CEP162: variants seen among roughly 807,000 people sequenced by gnomAD.
The protein encoded by CEP162 is centrosomal protein of 162 kDa.
In CEP162, 141 loss-of-function variants were observed where a neutral mutation model predicts 169.2. The observed-to-expected ratio is 0.83, with a 90% confidence interval of 0.73 to 0.96. The LOEUF is 0.96. CEP162 is among the 40% of genes least tolerant of loss of function. CEP162 has a pLI of 0.00. For missense variants in CEP162, 1,600 were observed against 1,587.2 expected (o/e 1.01, Z -0.14); for synonymous variants, 540 against 526.4 (o/e 1.03, Z -0.35).
chr6:84,187,742 T>C (rs2099537843), intron 11 of CEP162, among the ~76,000 whole-genome samples: 1 of 152,090 alleles, frequency 6.6e-6, no homozygotes, highest in African/African-American at 2.4e-5. Flanking sequence ...TGCTAAACTG[T>C]CATCTACAAA....
At chr6:84,140,115 A>G (rs73750522) in intron 25 of CEP162, among the ~76,000 whole-genome samples, 8,798 of 152,234 alleles carry the variant, frequency 0.058, 827 homozygotes, top group African/African-American at 0.2. Flanking sequence ...GGGCACAAGC[A>G]TTGGCTTGTG....
At chr6:84,125,350 T>G in intron 26 of CEP162, 74 bp from the exon 27 acceptor site, 1 of 1,306,118 alleles carries the variant, frequency 7.7e-7, no homozygotes, top group South Asian at 1.2e-5. Flanking sequence ...AATCTTAAAG[T>G]AGGCAAACCT....
In CEP162 at chr6:84,152,697, G is replaced by T; in HGVS notation, c.3477C>A (p.Tyr1159Ter). 6.2e-7 allele frequency: 1 copy of T among 1,612,800 alleles called. No homozygotes were observed. Among genetic ancestry groups the T allele is most frequent in the Non-Finnish European group, 8.5e-7 (1 of 1,179,438 alleles). The part of the protein sequence containing the change: ...SFPGTLDSKL[Y>*]QPHTFTDSHV... The stretch of plus-strand genomic sequence containing the variant: ...GGGAATCAGTGAAAGTATGTGGTTG[G>T]TACAGCTTGCTGTCCAGGGTTCCAG... Residue 1159 changes from tyrosine (Y) to a stop codon, truncating the protein, a stop_gained, in exon 23 of 27, where the codon TAC (tyrosine) becomes TAA (stop). Transcript: ENST00000403245. LOFTEE classifies it high-confidence loss of function.
intron 13 of CEP162, among the ~76,000 whole-genome samples, chr6:84,176,874 A>T (rs1484757712): frequency 6.6e-6 from 1 of 151,946 alleles, no homozygotes. Context: ...CTAAAGTATC[A>T]AGTAATTATA....
intron 18 of CEP162, among the ~76,000 whole-genome samples, chr6:84,165,265 T>C (rs1359300763): frequency 6.6e-6 from 1 of 151,950 alleles, no homozygotes; most frequent in African/African-American, 2.4e-5. Flanking sequence ...ACATATAAAA[T>C]GCAGGATTTT....
rs1445168668 is a variant in CEP162, at chr6:84,161,795, G to A, written c.2627C>T (p.Ala876Val). The change falls in exon 20 of 27, where the codon GCA becomes GTA. Residue 876 changes from alanine (A) to valine (V), a missense_variant. Coordinates refer to ENST00000403245, the MANE Select transcript of CEP162 (RefSeq NM_014895.4). ...CTCATTTGCTTCTCTAAGCCGAAGT[G>A]CATCTTTATCCAGAAGTTCCTGATT... ...AENQELLDKD[A>V]LRLREANEEI... is the part of the protein sequence containing the mutation. The A allele has an allele frequency of 1.2e-6, 2 of 1,601,440 alleles. No homozygotes were observed. The highest frequency in any genetic ancestry group is 1.7e-6 in the Non-Finnish European group (2 of 1,173,182).
At chr6:84,194,349 C>T (rs530219974) in intron 10 of CEP162, among the ~76,000 whole-genome samples, 22 of 134,068 alleles carry the variant, frequency 1.6e-4, no homozygotes, top group Admixed American at 6.4e-4. Context: ...AGCAAGACTC[C>T]GTCTCAAAAA....
At chr6:84,171,539 A>T (rs1244438473) in intron 17 of CEP162, 67 bp downstream of exon 17, 6 of 557,000 alleles carry the variant, frequency 1.1e-5, no homozygotes, top group Middle Eastern at 7.8e-4. Flanking sequence ...ATGTATTATT[A>T]ACATAATAAG....
chr6:84,186,880 T>C (rs1018375702), intron 11 of CEP162, among the ~76,000 whole-genome samples: 3 of 152,212 alleles, frequency 2.0e-5, no homozygotes, highest in Admixed American at 1.3e-4. Flanking sequence ...AGATCTATTT[T>C]AGAGAAAGAC....
chr6:84,145,572 T>C (rs2099518470), intron 25 of CEP162, among the ~76,000 whole-genome samples: 1 of 152,114 alleles, frequency 6.6e-6, no homozygotes, highest in Non-Finnish European at 1.5e-5. Flanking sequence ...TGTTTTTTTA[T>C]CTCTGGGGTT....
At chr6:84,152,320 T>G (rs896255494) in intron 23 of CEP162, among the ~76,000 whole-genome samples, 2 of 152,066 alleles carry the variant, frequency 1.3e-5, no homozygotes, top group African/African-American at 2.4e-5. Flanking sequence ...AGGACACAAT[T>G]TGGGTTGACA....
chr6:84,154,715 A>G lies in CEP162; in HGVS notation c.2994+583T>C, dbSNP rs538276155. Among the ~76,000 whole-genome samples the G allele has an allele frequency of 3.9e-5, 6 of 152,236 alleles. No homozygotes were observed. The East Asian group carries it at 1.2e-3, about 29-fold the overall frequency. ...ATTCCTGACAGACACGTGCTCAACAAATTTTTAAAAATAATCTATAACTGT... is the reference window on the plus strand; with the variant it reads ...ATTCCTGACAGACACGTGCTCAACAGATTTTTAAAAATAATCTATAACTGT... On this transcript the variant is annotated intron_variant, in intron 22 of 26. Transcript: ENST00000403245.
chr6:84,205,284 T>C (rs1174734741), intron 6 of CEP162, among the ~76,000 whole-genome samples: 1 of 152,170 alleles, frequency 6.6e-6, no homozygotes, highest in Admixed American at 6.5e-5. Flanking sequence ...AAAAAGAGAA[T>C]TTTAGACCAA....
At chr6:84,225,454 T>A (rs2099555332) in intron 2 of CEP162, among the ~76,000 whole-genome samples, 1 of 152,246 alleles carries the variant, frequency 6.6e-6, no homozygotes, top group South Asian at 2.1e-4. Flanking sequence ...AGCCCCATTA[T>A]AATCTTACGG....
intron 13 of CEP162, among the ~76,000 whole-genome samples, chr6:84,180,078 T>G (rs1311237437): frequency 6.6e-6 from 1 of 152,104 alleles, no homozygotes; most frequent in Non-Finnish European, 1.5e-5. Flanking sequence ...TGATGAACAT[T>G]GATGCAAAAA....
intron 6 of CEP162, among the ~76,000 whole-genome samples, chr6:84,207,666 T>C (rs1216514037): frequency 1.3e-5 from 2 of 151,846 alleles, no homozygotes; most frequent in Non-Finnish European, 2.9e-5. Context: ...TGTATACATA[T>C]GTAACAAACC....
At chr6:84,172,571 G>T (rs996479763) in intron 16 of CEP162, among the ~76,000 whole-genome samples, 1 of 152,088 alleles carries the variant, frequency 6.6e-6, no homozygotes, top group African/African-American at 2.4e-5. Context: ...TGTTGTCTCT[G>T]TTGGAGGGGT....
At position 84,217,483 on chromosome 6, in the gene CEP162, C is replaced by G. The variant is rs143015373; in HGVS notation, c.173-1561G>C. On this transcript the variant is annotated intron_variant, in intron 3 of 26. Transcript: ENST00000403245. ...AGGAAAGCAGTGTACAGCCTCTAAG[C>G]CAGGAAAATGCCCAGGCATGTGTGA... Among the ~76,000 whole-genome samples, 8 of 152,074 alleles carry G rather than the reference C, an allele frequency of 5.3e-5. No homozygotes were observed. In the East Asian group the frequency reaches 1.6e-3, roughly 29 times the overall value.
intron 13 of CEP162, among the ~76,000 whole-genome samples, chr6:84,175,610 A>G (rs1019456390): frequency 3.3e-5 from 5 of 152,214 alleles, no homozygotes; most frequent in South Asian, 4.1e-4. Context: ...ATGGAGCTAA[A>G]TAAATGTGAG....
Sources: allele counts gnomAD v4.1 joint callset (sites outside exome capture counted in the v4.1 genomes callset), GRCh38; gene constraint gnomAD v4.1.1; transcripts MANE v1.5; gene names NCBI Gene and HGNC (gene_info 2026-07-23, HGNC 2026-07-21).